ASIC2: variants seen among roughly 807,000 people sequenced by gnomAD.
ASIC2 encodes acid-sensing ion channel 2.
In ASIC2, 25 loss-of-function variants were observed where a neutral mutation model predicts 57.3. That is an observed-to-expected ratio of 0.44 (90% CI 0.32 to 0.61). The LOEUF (loss-of-function observed/expected upper bound fraction) is 0.61. Ranked by LOEUF, ASIC2 falls within the 20% of genes least tolerant of loss-of-function variation. The probability of loss-of-function intolerance (pLI) is 0.06; values close to 1 mark genes in which losing one functional copy is unlikely to be tolerated. For synonymous variants in ASIC2, 319 were observed against 307.5 expected (o/e 1.04, Z -0.39); for missense variants, 641 against 738.1 (o/e 0.87, Z 1.52).
rs187761874 is a variant in ASIC2, at chr17:33,708,792, C to T, written c.555+447186G>A. Among the ~76,000 whole-genome samples, 4 of 152,282 alleles carry T rather than the reference C, an allele frequency of 2.6e-5. No homozygotes were observed. In the East Asian group the frequency reaches 7.7e-4, roughly 29 times the overall value. On this transcript the variant is annotated intron_variant, in intron 1 of 9. Coordinates refer to the ASIC2 transcript ENST00000359872. ...GGCTATCTTGGTCATAGAGACTCCT[C>T]TCCTCCTTCTCTTCAAGATCTCAAT...
chr17:33,674,870 A>G (rs1206685504), intron 1 of ASIC2, among the ~76,000 whole-genome samples: 3 of 152,210 alleles, frequency 2.0e-5, no homozygotes, highest in African/African-American at 7.2e-5. Context: ...CTGAGCCCAG[A>G]AATTGAGGAA....
At chr17:34,084,705 T>C (rs1007834345) in intron 1 of ASIC2, among the ~76,000 whole-genome samples, 73 of 152,230 alleles carry the variant, frequency 4.8e-4, no homozygotes, top group Admixed American at 7.9e-4. Context: ...GTTTGTATCC[T>C]CTTTTATTTC....
chr17:33,676,337 TAGTG>T, intron 1 of ASIC2, among the ~76,000 whole-genome samples: 1 of 152,350 alleles, frequency 6.6e-6, no homozygotes, highest in Non-Finnish European at 1.5e-5. Context: ...TGATTATGCT[TAGTG>T]AGAAAGGCAT....
intron 1 of ASIC2, among the ~76,000 whole-genome samples, chr17:33,274,679 G>T (rs1904633333): frequency 6.8e-6 from 1 of 146,940 alleles, no homozygotes. Flanking sequence ...ATCTCTGGGG[G>T]TTGAGCTTGG....
intron 1 of ASIC2, among the ~76,000 whole-genome samples, chr17:33,154,737 G>C (rs879755507): frequency 6.6e-6 from 1 of 152,132 alleles, no homozygotes; most frequent in African/African-American, 2.4e-5. Flanking sequence ...TCCCAAACAT[G>C]CTTGGAGCTT....
Position 33,704,757 on chromosome 17 carries a change from C to T in ASIC2, c.555+451221G>A, listed in dbSNP as rs190014651. ...TGTGGTCCTCTCTGGAGCTTCTAAA[C>T]TGTACTGTGTTGGGATTGGATGTAA... On this transcript the variant is annotated intron_variant, in intron 1 of 9. Coordinates refer to the ASIC2 transcript ENST00000359872. Among the ~76,000 whole-genome samples, 157 of 152,324 alleles carry T rather than the reference C, an allele frequency of 1.0e-3. 1 individual carries two copies. Among genetic ancestry groups the T allele is most frequent in the Non-Finnish European group, 1.7e-3 (114 of 68,036 alleles).
chr17:33,706,780 C>T (rs1038396046), intron 1 of ASIC2, among the ~76,000 whole-genome samples: 2 of 152,150 alleles, frequency 1.3e-5, no homozygotes, highest in African/African-American at 4.8e-5. Context: ...TTTCATTCTG[C>T]CCCCACCTGG....
At chr17:33,439,628 A>T (rs1436583545) in intron 1 of ASIC2, among the ~76,000 whole-genome samples, 1 of 152,174 alleles carries the variant, frequency 6.6e-6, no homozygotes, top group Non-Finnish European at 1.5e-5. Flanking sequence ...GAAATCAAGG[A>T]GAGGCTGAGT....
At chr17:33,737,439 C>A (rs1909950978) in intron 1 of ASIC2, among the ~76,000 whole-genome samples, 1 of 151,680 alleles carries the variant, frequency 6.6e-6, no homozygotes, top group Non-Finnish European at 1.5e-5. Flanking sequence ...AATGGGATAT[C>A]TTGGGAATGG....
At chr17:33,678,183 T>A (rs1408238338) in intron 1 of ASIC2, among the ~76,000 whole-genome samples, 3 of 152,176 alleles carry the variant, frequency 2.0e-5, no homozygotes, top group Non-Finnish European at 4.4e-5. Context: ...AAATATTTTT[T>A]AATTAAGGGC....
At chr17:33,174,923 A>T (rs1448766867) in intron 1 of ASIC2, among the ~76,000 whole-genome samples, 1 of 152,066 alleles carries the variant, frequency 6.6e-6, no homozygotes, top group Non-Finnish European at 1.5e-5. Context: ...GCCACCAGCT[A>T]CCCTACTGGC....
chr17:33,743,512 G>C (rs983084503), intron 1 of ASIC2, among the ~76,000 whole-genome samples: 2 of 152,226 alleles, frequency 1.3e-5, no homozygotes, highest in Non-Finnish European at 2.9e-5. Context: ...TTTCTATGAG[G>C]ATATTTTTGG....
chr17:33,807,073 A>G (rs1245485008), intron 1 of ASIC2, among the ~76,000 whole-genome samples: 5 of 152,188 alleles, frequency 3.3e-5, no homozygotes, highest in African/African-American at 1.2e-4. Context: ...CAGCCAAGGC[A>G]GTCACAGACA....
At chr17:33,095,159 C>T (rs1598272259) in intron 2 of ASIC2, among the ~76,000 whole-genome samples, 1 of 152,164 alleles carries the variant, frequency 6.6e-6, no homozygotes, top group Non-Finnish European at 1.5e-5. Flanking sequence ...CCATCATCAC[C>T]ATGAATTCAG....
chr17:33,414,342 C>A (rs1302045390), intron 1 of ASIC2, among the ~76,000 whole-genome samples: 6 of 152,092 alleles, frequency 3.9e-5, no homozygotes, highest in Non-Finnish European at 7.4e-5. Context: ...CAGCGATGGT[C>A]TGGGTGTGGT....
intron 1 of ASIC2, among the ~76,000 whole-genome samples, chr17:34,090,825 C>T (rs1273977360): frequency 6.6e-6 from 1 of 152,198 alleles, no homozygotes; most frequent in East Asian, 1.9e-4. Flanking sequence ...TACCCAGTCC[C>T]CACCTCTTCC....
chr17:33,889,390 T>C (rs1160849397), intron 1 of ASIC2, among the ~76,000 whole-genome samples: 1 of 152,224 alleles, frequency 6.6e-6, no homozygotes, highest in African/African-American at 2.4e-5. Context: ...GTGTTCTTTA[T>C]ATTAAATTTA....
chr17:33,976,736 C>G (rs1192345688), intron 1 of ASIC2: 1 of 151,898 alleles, frequency 6.6e-6, no homozygotes, highest in Non-Finnish European at 1.5e-5. Context: ...TCAGGTGGCC[C>G]AAGGAGAAAG....
chr17:33,194,669 T>C (rs1053687639), intron 1 of ASIC2, among the ~76,000 whole-genome samples: 1 of 22,316 alleles, frequency 4.5e-5, no homozygotes, highest in Non-Finnish European at 7.7e-5. Context: ...TATTCCCAGA[T>C]TGGGAAATCA....
Sources: allele counts gnomAD v4.1 joint callset (sites outside exome capture counted in the v4.1 genomes callset), GRCh38; gene constraint gnomAD v4.1.1; transcripts MANE v1.5; gene names NCBI Gene and HGNC (gene_info 2026-07-23, HGNC 2026-07-21).